MGA: variants seen among roughly 807,000 people sequenced by gnomAD.
MGA encodes the protein MAX gene-associated protein.
A neutral mutation model predicts 261.1 loss-of-function variants in MGA; 40 were observed. That is an observed-to-expected ratio of 0.15 (90% CI 0.12 to 0.20). The LOEUF (loss-of-function observed/expected upper bound fraction) is 0.20. MGA is among the 10% of genes least tolerant of loss of function. The pLI, the probability that MGA is intolerant of heterozygous loss-of-function variation, is 1.00. For synonymous variants in MGA, 1,302 were observed against 1,290.6 expected (o/e 1.01, Z -0.19); for missense variants, 3,397 against 3,630.5 (o/e 0.94, Z 1.65).
intron 2 of MGA, among the ~76,000 whole-genome samples, chr15:41,678,683 C>T (rs1005248959): frequency 4.6e-5 from 7 of 151,280 alleles, no homozygotes; most frequent in Non-Finnish European, 8.8e-5. Context: ...AGGAGAATCG[C>T]TTGAACCCGG....
chr15:41,733,670 A>G (rs904794483), intron 11 of MGA, among the ~76,000 whole-genome samples: 2 of 152,232 alleles, frequency 1.3e-5, no homozygotes, highest in African/African-American at 2.4e-5. Flanking sequence ...GTAAGTGTAC[A>G]TAGCATGAGG....
intron 1 of MGA, among the ~76,000 whole-genome samples, chr15:41,633,191 C>T (rs1334101275): frequency 6.6e-6 from 1 of 151,968 alleles, no homozygotes; most frequent in Non-Finnish European, 1.5e-5. Flanking sequence ...CCTTGTGATC[C>T]CCCCTGCCTT....
At chr15:41,681,575 C>T (rs551371109) in intron 2 of MGA, among the ~76,000 whole-genome samples, 2 of 152,056 alleles carry the variant, frequency 1.3e-5, no homozygotes, top group East Asian at 1.9e-4. Context: ...CTCAGCCTCC[C>T]GAGTAGCTGA....
intron 1 of MGA, among the ~76,000 whole-genome samples, chr15:41,645,764 T>C (rs1021422116): frequency 1.3e-4 from 20 of 152,212 alleles, no homozygotes; most frequent in Non-Finnish European, 2.6e-4. Context: ...TTGGAAGATA[T>C]ATTCACTACA....
rs577687736 is a variant in MGA, at chr15:41,767,545, G to A, written c.*265G>A. ...GAAGATGTGATCCATTACTGAACATGAGGTGCCCCTCTTACCCAAGGAATT... is the reference window on the plus strand; with the variant it reads ...GAAGATGTGATCCATTACTGAACATAAGGTGCCCCTCTTACCCAAGGAATT... On this transcript the variant is annotated 3_prime_UTR_variant, in exon 24 of 24. Coordinates refer to ENST00000219905, the MANE Select transcript of MGA (RefSeq NM_001164273.2). 4.4e-5 allele frequency: 20 copies of A among 455,598 alleles called. No individual in the cohort carries two copies. Among genetic ancestry groups the A allele is most frequent in the African/African-American group, 3.9e-4 (20 of 51,678 alleles). The allele number at this position is 455,598 out of a possible 1,614,324, so 28.2% of individuals were successfully genotyped here. A position where few individuals can be genotyped will look rare whatever the true frequency, so the allele number is the denominator to read the frequency against.
chr15:41,684,568 C>G (rs1162289548), intron 2 of MGA: 1 of 310,138 alleles, frequency 3.2e-6, no homozygotes, highest in Non-Finnish European at 6.4e-6. Flanking sequence ...TTCAATTTCT[C>G]AGGAAGATGT....
At chr15:41,760,108 A>G (rs1457031244) in intron 19 of MGA, 2 of 522,834 alleles carry the variant, frequency 3.8e-6, no homozygotes, top group South Asian at 4.9e-5. Context: ...AGCTGGTAAG[A>G]TCACTTTAGC....
In MGA at chr15:41,749,563, A is replaced by C. The variant is rs1250809016; in HGVS notation, c.5956A>C (p.Arg1986=). ...GAAAGATGAAACAAACTCAATAAAA[A>C]GAGAGCAAGAAACGAAGAAGGTTCT... is the stretch of plus-strand genomic sequence containing the variant. Residue 1986 remains arginine (R), a synonymous_variant, in exon 17 of 24, where the codon AGA becomes CGA. Coordinates refer to ENST00000219905, the MANE Select transcript of MGA (RefSeq NM_001164273.2). The C allele has an allele frequency of 1.2e-6, 2 of 1,613,898 alleles. No homozygotes were observed. The highest frequency in any genetic ancestry group is 1.7e-6 in the Non-Finnish European group (2 of 1,179,906).
chr15:41,708,926 C>T (rs557198421), intron 7 of MGA, among the ~76,000 whole-genome samples: 154 of 152,264 alleles, frequency 1.0e-3, no homozygotes, highest in Non-Finnish European at 1.7e-3. Context: ...TCACTGCATT[C>T]GTTTGCAATT....
At chr15:41,737,375 G>A (rs1240127448) in intron 13 of MGA, among the ~76,000 whole-genome samples, 2 of 150,794 alleles carry the variant, frequency 1.3e-5, no homozygotes, top group African/African-American at 4.9e-5. Flanking sequence ...GGCTGGTCTC[G>A]AACTTCTGAG....
In MGA at chr15:41,763,219, C is replaced by T. The variant is rs575230747; in HGVS notation, c.7744+857C>T. ...GGTTCATGCCATTCTCCTGCCTCAG[C>T]CTCCCCAGTAGCTAGGACTATAGGC... On this transcript the variant is annotated intron_variant, in intron 22 of 23. Transcript: ENST00000219905. Among the ~76,000 whole-genome samples the T allele has an allele frequency of 4.6e-5, 7 of 150,720 alleles. No homozygotes were observed. The East Asian group carries it at 1.2e-3, about 26-fold the overall frequency.
At chr15:41,693,953 T>C (rs568048346) in intron 2 of MGA, among the ~76,000 whole-genome samples, 1 of 152,190 alleles carries the variant, frequency 6.6e-6, no homozygotes, top group Non-Finnish European at 1.5e-5. Context: ...CTCAAATCAC[T>C]GCCTTGCAGT....
rs770665553 is a variant in MGA at position 41,669,050 on chromosome 15, T to C, written c.156T>C (p.Ser52=). 6.2e-7 allele frequency: 1 copy of C among 1,612,868 alleles called. No individual in the cohort carries two copies. Among genetic ancestry groups the C allele is most frequent in the South Asian group, 1.1e-5 (1 of 91,078 alleles). Reference sequence around the variant, plus strand: ...ATCAGGATGCCTGTGCTTTGGCTAGTAGTGTGTCATCACCAGTAAAATCTA... The same window carrying C: ...ATCAGGATGCCTGTGCTTTGGCTAGCAGTGTGTCATCACCAGTAAAATCTA... The change falls in exon 2 of 24, where the codon AGT becomes AGC. Residue 52 remains serine (S), a synonymous_variant. Transcript: ENST00000219905.
chr15:41,693,923 CT>C (rs2059417131), intron 2 of MGA, among the ~76,000 whole-genome samples: 1 of 151,946 alleles, frequency 6.6e-6, no homozygotes, highest in African/African-American at 2.4e-5. Context: ...ATTTTATTGC[CT>C]TTTCTTGTGA....
At chr15:41,762,571 C>T (rs994690220) in intron 22 of MGA, among the ~76,000 whole-genome samples, 1 of 139,768 alleles carries the variant, frequency 7.2e-6, no homozygotes, top group African/African-American at 2.6e-5. Flanking sequence ...CAGGTTCAAG[C>T]GATTATCTGC....
At chr15:41,762,650 G>T (rs2063548812) in intron 22 of MGA, among the ~76,000 whole-genome samples, 1 of 151,660 alleles carries the variant, frequency 6.6e-6, no homozygotes, top group Non-Finnish European at 1.5e-5. Flanking sequence ...TAATTTTTTA[G>T]TAGAGATGGG....
In MGA at chr15:41,766,854, T is replaced by A; in HGVS notation, c.8772T>A (p.Asp2924Glu). 6.2e-7 allele frequency: 1 copy of A among 1,614,026 alleles called. No homozygotes were observed. The highest frequency in any genetic ancestry group is 8.5e-7 in the Non-Finnish European group (1 of 1,179,904). The change falls in exon 24 of 24, where the codon GAT (aspartate) becomes GAA (glutamate). Residue 2924 changes from aspartate (D) to glutamate (E), a missense_variant. Around this residue, in one of 9 missense-constraint regions of MGA, gnomAD observed 647 missense variants for 642.4 expected, o/e 1.01. Coordinates refer to ENST00000219905, the MANE Select transcript of MGA (RefSeq NM_001164273.2). ...TTGCAGAACCAGCCTCTGAGCCAGA[T>A]GTCCTTAAGATTGTTATTGACTCTG...
In MGA at chr15:41,764,308, C is replaced by T. The variant is rs1224537588; in HGVS notation, c.7745-578C>T. ...TCGCTCTGTTGCCCAGGGTAGAGTG[C>T]GGTGGCGCAATCTAGGCTCACTGCC... On this transcript the variant is annotated intron_variant, in intron 22 of 23. Transcript: ENST00000219905. Among the ~76,000 whole-genome samples, 4 of 137,074 alleles carry T rather than the reference C, an allele frequency of 2.9e-5. No homozygotes were observed. In the South Asian group the frequency reaches 6.8e-4, roughly 23 times the overall value. 89.9% of individuals were successfully genotyped at this position (137,074 alleles called of 152,430 possible). A position where few individuals can be genotyped will look rare whatever the true frequency, so the allele number is the denominator to read the frequency against.
intron 2 of MGA, among the ~76,000 whole-genome samples, chr15:41,672,600 C>T (rs531317785): frequency 2.6e-5 from 4 of 152,238 alleles, no homozygotes; most frequent in Admixed American, 6.5e-5. Flanking sequence ...AATCATGCTC[C>T]AAGAAATAGC....
Sources: allele counts gnomAD v4.1 joint callset (sites outside exome capture counted in the v4.1 genomes callset), GRCh38; gene constraint gnomAD v4.1.1; regional missense constraint gnomAD v4.1.1; transcripts MANE v1.5; gene names NCBI Gene and HGNC (gene_info 2026-07-23, HGNC 2026-07-21).